Variants in MTRR observed in about 807,000 individuals in gnomAD.
MTRR encodes the protein methionine synthase reductase.
MTRR carries 63 observed loss-of-function variants against 79.2 expected under a neutral mutation model. That is an observed-to-expected ratio of 0.80 (90% CI 0.65 to 0.98). The LOEUF (loss-of-function observed/expected upper bound fraction) is 0.98, where lower values mean the gene tolerates loss of function less well. Ranked by LOEUF, MTRR falls within the 50% of genes least tolerant of loss-of-function variation. The pLI, the probability that MTRR is intolerant of heterozygous loss-of-function variation, is 0.00. For synonymous variants in MTRR, 355 were observed against 313.3 expected (o/e 1.13, Z -1.41); for missense variants, 895 against 839.6 (o/e 1.07, Z -0.82).
chr5:7,858,987 TATA>T (rs1746350229), intron 1 of MTRR, among the ~76,000 whole-genome samples: 1 of 152,308 alleles, frequency 6.6e-6, no homozygotes, highest in East Asian at 1.9e-4. Context: ...TGCATAATTC[TATA>T]ATATTTATAT....
intron 5 of MTRR, among the ~76,000 whole-genome samples, chr5:7,879,629 A>T (rs1422163400): frequency 6.6e-6 from 1 of 152,114 alleles, no homozygotes; most frequent in African/African-American, 2.4e-5. Flanking sequence ...AAGAATTGGG[A>T]AAAAAAGAAT....
Position 7,862,531 on chromosome 5 carries a change from C to T in MTRR, n.498+474C>T, listed in dbSNP as rs989920567. ...GTTCCAGGTACTATTTTATTTAGACCTTAAGTAAGTCTTTGAGGTCAATAT... is the reference window on the plus strand; with the variant it reads ...GTTCCAGGTACTATTTTATTTAGACTTTAAGTAAGTCTTTGAGGTCAATAT... On this transcript the variant is annotated intron_variant and non_coding_transcript_variant, in intron 2 of 3. Coordinates refer to the MTRR transcript ENST00000502509. 2.6e-5 allele frequency among the ~76,000 whole-genome samples: 4 copies of T among 152,084 alleles called. No homozygotes were observed. The East Asian group carries it at 7.7e-4, about 29-fold the overall frequency.
intron 14 of MTRR, among the ~76,000 whole-genome samples, chr5:7,899,537 A>C (rs1275244156): frequency 6.6e-6 from 1 of 152,184 alleles, no homozygotes; most frequent in Non-Finnish European, 1.5e-5. Context: ...GGTTCCCTTC[A>C]GGAGCACGAG....
At chr5:7,861,358 C>A in intron 1 of MTRR, 1 of 677,158 alleles carries the variant, frequency 1.5e-6, no homozygotes, top group South Asian at 3.6e-5. Context: ...TGGGATTTGG[C>A]TATTACTATG....
chr5:7,876,638 A>G (rs162131), intron 4 of MTRR, among the ~76,000 whole-genome samples: 32,243 of 152,202 alleles, frequency 0.21, 4,772 homozygotes, highest in African/African-American at 0.39. Context: ...AAATGGGGTT[A>G]CGAATGCACA....
intron 1 of MTRR, chr5:7,870,450 A>C (rs776565567): frequency 5.6e-6 from 2 of 360,096 alleles, no homozygotes; most frequent in Non-Finnish European, 1.1e-5. Flanking sequence ...TTTTAGGATA[A>C]AGGAGCTGTG....
intron 14 of MTRR, 105 bp downstream of exon 14, chr5:7,897,352 A>G (rs1738715645): frequency 8.7e-7 from 1 of 1,149,660 alleles, no homozygotes; most frequent in Non-Finnish European, 1.3e-6. Context: ...TAGGGATAAG[A>G]CATTTGATTC....
intron 1 of MTRR, chr5:7,859,459 G>A: frequency 1.2e-6 from 2 of 1,606,630 alleles, no homozygotes; most frequent in Non-Finnish European, 1.7e-6. Context: ...AATGAACAGT[G>A]TTTTGAGAAA....
At chr5:7,896,316 A>G (rs2126810158) in intron 12 of MTRR, 1 of 182,280 alleles carries the variant, frequency 5.5e-6, no homozygotes, top group South Asian at 1.2e-4. Context: ...AATAAGTAAA[A>G]TAAAATTGTA....
At chr5:7,896,644 G>T (rs184483370) in intron 12 of MTRR, 8 of 594,552 alleles carry the variant, frequency 1.3e-5, no homozygotes, top group African/African-American at 1.3e-4. Flanking sequence ...TGTGTATGTC[G>T]GATGTAGCTG....
Position 7,892,732 on chromosome 5 carries a change from G to A in MTRR, c.1376G>A (p.Ser459Asn). 1 of 1,614,210 alleles carries A rather than the reference G, an allele frequency of 6.2e-7. No homozygotes were observed. The highest frequency in any genetic ancestry group is 8.5e-7 in the Non-Finnish European group (1 of 1,180,024). ...TTGTCTGTGTATCTTTGCAGCTCAA[G>A]TTTATTTCACCCAGGAAAGCTCCAT... ...QPRPYSCASSSLFHPGKLHFV... is the reference protein window; with the variant it reads ...QPRPYSCASSNLFHPGKLHFV... Residue 459 changes from serine (S) to asparagine (N), a missense_variant, in exon 11 of 15, where the codon AGT becomes AAT. Physicochemically the swap from Ser to Asn is conservative, Grantham distance 46. Coordinates refer to ENST00000440940, the MANE Select transcript of MTRR (RefSeq NM_002454.3).
rs772547714 is a variant in MTRR, at chr5:7,886,680, G to C, written c.1123G>C (p.Glu375Gln). 7.4e-6 allele frequency: 12 copies of C among 1,613,326 alleles called. No individual in the cohort carries two copies. Among genetic ancestry groups the C allele is most frequent in the Non-Finnish European group, 9.3e-6 (11 of 1,179,446 alleles). ...CCAGTTCATTTTTACCTGGTGTCTT[G>C]AAATCCGAGCAATTCCTAAAAAGGT... The part of the protein sequence containing the change: ...SLQFIFTWCL[E>Q]IRAIPKKAFL... The change falls in exon 8 of 15, where the codon GAA becomes CAA. Residue 375 changes from glutamate to glutamine, a missense_variant. Physicochemically the swap from Glu to Gln is conservative, Grantham distance 29. Transcript: ENST00000440940.
upstream of MTRR, among the ~76,000 whole-genome samples, chr5:7,868,540 G>A (rs149422144): frequency 1.3e-5 from 2 of 152,278 alleles, no homozygotes; most frequent in East Asian, 3.9e-4. Flanking sequence ...CAAAGAACAG[G>A]TAAAGTGGGC....
At chr5:7,889,351 A>G (rs1305892132) in intron 9 of MTRR, 76 bp downstream of exon 9, 1 of 1,532,866 alleles carries the variant, frequency 6.5e-7, no homozygotes, top group African/African-American at 1.4e-5. Context: ...GTAGTAAAGA[A>G]AATTTGCTGC....
chr5:7,890,343 G>A lies in MTRR; in HGVS notation c.1328-1029G>A, dbSNP rs527683577. The A allele has an allele frequency of 3.0e-6, 3 of 985,384 alleles. No homozygotes were observed. The South Asian group carries it at 1.4e-4, about 46-fold the overall frequency. The allele number at this position is 985,384 out of a possible 1,614,324, so 61.0% of individuals were successfully genotyped here. ...GCTCTTCTCACCATCCTGTCCTCAG[G>A]CTGGCCCTCTCACCCTCTTCAGTGA... On this transcript the variant is annotated intron_variant, in intron 9 of 14. Transcript: ENST00000440940.
In MTRR at chr5:7,869,205, G is replaced by A. The variant is rs201214939; in HGVS notation, c.-36G>A. ...CGTTGTGCAGGTTCGTGCCCGGCTG[G>A]CGCGGCGTGGGTAAGCTGCCTGTCG... On this transcript the variant is annotated 5_prime_UTR_variant, in exon 1 of 15. Coordinates refer to ENST00000440940, the MANE Select transcript of MTRR (RefSeq NM_002454.3). The A allele has an allele frequency of 5.7e-4, 922 of 1,608,162 alleles. 4 individuals are homozygous for A. Among genetic ancestry groups the A allele is most frequent in the Non-Finnish European group, 3.6e-5 (43 of 1,179,788 alleles).
upstream of MTRR, chr5:7,867,219 A>G: frequency 6.2e-7 from 1 of 1,614,166 alleles, no homozygotes; most frequent in Non-Finnish European, 8.5e-7. Flanking sequence ...CTCAGGTTGG[A>G]AACTATTGAT....
chr5:7,853,280 C>T (rs1355044072), intron 1 of MTRR, among the ~76,000 whole-genome samples: 3 of 152,174 alleles, frequency 2.0e-5, no homozygotes, highest in African/African-American at 7.2e-5. Flanking sequence ...CAGTGCTTCT[C>T]CTTCCTGCCA....
chr5:7,870,095 G>GA, intron 1 of MTRR: 1 of 984,798 alleles, frequency 1.0e-6, no homozygotes, highest in African/African-American at 1.7e-5. Flanking sequence ...ATCTCTTGCG[G>GA]AAAAACGTGT....
Sources: allele counts gnomAD v4.1 joint callset (sites outside exome capture counted in the v4.1 genomes callset), GRCh38; gene constraint gnomAD v4.1.1; transcripts MANE v1.5; gene names NCBI Gene and HGNC (gene_info 2026-07-23, HGNC 2026-07-21).